The following GARRE1 variants were observed in gnomAD, a reference collection of about 807,000 sequenced individuals.
GARRE1 encodes granule associated Rac and RHOG effector 1.
GARRE1 carries 49 observed loss-of-function variants against 103.2 expected under a neutral mutation model. The ratio of observed to expected loss-of-function variants is 0.47; its 90% CI spans 0.38 to 0.60. GARRE1 has a LOEUF of 0.60. GARRE1 is among the 20% of genes least tolerant of loss of function. The probability of loss-of-function intolerance (pLI) is 0.00; values close to 1 mark genes in which losing one functional copy is unlikely to be tolerated. For synonymous variants in GARRE1, 505 were observed against 532.8 expected (o/e 0.95, Z 0.72); for missense variants, 1,199 against 1,370.5 (o/e 0.87, Z 1.98).
intron 2 of GARRE1, among the ~76,000 whole-genome samples, chr19:34,315,315 A>G (rs1452661294): frequency 2.0e-5 from 3 of 152,242 alleles, no homozygotes; most frequent in Non-Finnish European, 4.4e-5. Flanking sequence ...AGGCTGAGTC[A>G]GGCCTGAGCC....
chr19:34,271,698 A>C (rs973043146), intron 1 of GARRE1, among the ~76,000 whole-genome samples: 1 of 152,122 alleles, frequency 6.6e-6, no homozygotes, highest in Non-Finnish European at 1.5e-5. Flanking sequence ...CATCTCTACA[A>C]AAAATCAAAA....
intron 9 of GARRE1, among the ~76,000 whole-genome samples, chr19:34,340,839 T>G (rs1434317782): frequency 1.3e-5 from 2 of 152,188 alleles, no homozygotes; most frequent in African/African-American, 4.8e-5. Context: ...TCTTAACTCA[T>G]GAGTACACAA....
In GARRE1 at chr19:34,277,449, A is replaced by G. The variant is rs181685995; in HGVS notation, c.-795-22230A>G. Among the ~76,000 whole-genome samples, 9 of 152,326 alleles carry G rather than the reference A, an allele frequency of 5.9e-5. No homozygotes were observed. The East Asian group carries it at 1.2e-3, about 20-fold the overall frequency. The stretch of plus-strand genomic sequence containing the variant: ...ATGAACAATACGTTTGAAAAGACCT[A>G]TGAAAAAACACGTGAAATTTGGAGT... On this transcript the variant is annotated intron_variant, in intron 1 of 13. Transcript: ENST00000299505.
chr19:34,326,339 A>G (rs2074111752), intron 3 of GARRE1, among the ~76,000 whole-genome samples: 1 of 152,242 alleles, frequency 6.6e-6, no homozygotes, highest in Non-Finnish European at 1.5e-5. Context: ...CTGCTAAAAA[A>G]TGTTACTTGG....
At chr19:34,265,449 C>G (rs2073746087) in intron 1 of GARRE1, 2 of 152,176 alleles carry the variant, frequency 1.3e-5, no homozygotes, top group African/African-American at 4.8e-5. Context: ...CAGGTGATGC[C>G]CCTCCTCAAC....
intron 2 of GARRE1, among the ~76,000 whole-genome samples, chr19:34,313,050 G>C (rs2074044239): frequency 6.6e-6 from 1 of 152,234 alleles, no homozygotes; most frequent in South Asian, 2.1e-4. Context: ...TATTTACTGA[G>C]ATGGGGAGTA....
chr19:34,319,014 CA>C (rs35793838), intron 2 of GARRE1, among the ~76,000 whole-genome samples: 4 of 148,898 alleles, frequency 2.7e-5, no homozygotes, highest in African/African-American at 4.9e-5. Flanking sequence ...GACTCCATTT[CA>C]AAAAAAAAAG....
chr19:34,338,591 C>G (rs1202414102), intron 8 of GARRE1, among the ~76,000 whole-genome samples: 1 of 151,876 alleles, frequency 6.6e-6, no homozygotes, highest in Non-Finnish European at 1.5e-5. Context: ...CGGTGGAGAC[C>G]CAAATGATGA....
chr19:34,260,990 G>A (rs2073714053), intron 1 of GARRE1, among the ~76,000 whole-genome samples: 1 of 152,196 alleles, frequency 6.6e-6, no homozygotes, highest in East Asian at 1.9e-4. Flanking sequence ...CTCTCTGGGG[G>A]CCTGACCAGA....
rs370744952 is a variant in GARRE1, at chr19:34,319,917, G to A, written c.506G>A (p.Arg169Gln). 175 of 1,614,046 alleles carry A rather than the reference G, an allele frequency of 1.1e-4. No homozygotes were observed. The highest frequency in any genetic ancestry group is 2.6e-4 in the South Asian group (24 of 91,084). The change falls in exon 3 of 14, where the codon CGA (arginine) becomes CAA (glutamine). Residue 169 changes from arginine (R) to glutamine (Q), a missense_variant. Physicochemically the swap from Arg to Gln is conservative, Grantham distance 43. Transcript: ENST00000299505. ...GTCTTGTTTTCACAGGTGTTGGGGC[G>A]ATGTTTCCTGACTGTGGTGCAAGTC... ...FSLQDIEVLG[R>Q]CFLTVVQVHF...
chr19:34,337,055 T>G (rs891486961), intron 8 of GARRE1, among the ~76,000 whole-genome samples: 2 of 152,054 alleles, frequency 1.3e-5, no homozygotes, highest in South Asian at 2.1e-4. Flanking sequence ...GTTCTGTTTT[T>G]TTTTTTTTTT....
chr19:34,281,159 C>T (rs1379769700), intron 1 of GARRE1, among the ~76,000 whole-genome samples: 3 of 152,206 alleles, frequency 2.0e-5, no homozygotes, highest in Non-Finnish European at 4.4e-5. Flanking sequence ...CTCACTCTGT[C>T]GCCCAGGCTG....
chr19:34,289,492 C>A (rs1372053870), intron 1 of GARRE1, among the ~76,000 whole-genome samples: 4 of 151,232 alleles, frequency 2.6e-5, no homozygotes, highest in Non-Finnish European at 4.4e-5. Flanking sequence ...TTTGGGAGGC[C>A]GAGGTGGGCG....
intron 1 of GARRE1, among the ~76,000 whole-genome samples, chr19:34,291,153 C>T (rs1162791617): frequency 2.6e-5 from 4 of 152,016 alleles, no homozygotes; most frequent in Non-Finnish European, 4.4e-5. Flanking sequence ...GGTGATCCAC[C>T]CACCTCAGCC....
intron 7 of GARRE1, 108 bp downstream of exon 7, chr19:34,330,455 A>G (rs932854529): frequency 1.7e-6 from 2 of 1,165,972 alleles, no homozygotes; most frequent in African/African-American, 3.1e-5. Flanking sequence ...TTAAAAAGTT[A>G]TTTGGTGCTG....
intron 1 of GARRE1, among the ~76,000 whole-genome samples, chr19:34,261,109 C>T (rs1368238581): frequency 6.6e-6 from 1 of 152,160 alleles, no homozygotes; most frequent in Non-Finnish European, 1.5e-5. Flanking sequence ...TAGCGTCTGT[C>T]CTCCCAGTAC....
intron 3 of GARRE1, among the ~76,000 whole-genome samples, chr19:34,325,602 C>A (rs1044366434): frequency 2.0e-5 from 3 of 152,184 alleles, no homozygotes; most frequent in Admixed American, 2.0e-4. Context: ...TCATCGCTAC[C>A]CTTGTTCAGG....
chr19:34,286,650 C>T (rs1340814473), intron 1 of GARRE1, among the ~76,000 whole-genome samples: 5 of 151,076 alleles, frequency 3.3e-5, no homozygotes, highest in South Asian at 2.1e-4. Context: ...TACAGGCGCC[C>T]GCTACCACGC....
intron 1 of GARRE1, among the ~76,000 whole-genome samples, chr19:34,256,182 G>A (rs905160541): frequency 6.6e-6 from 1 of 151,520 alleles, no homozygotes; most frequent in African/African-American, 2.4e-5. Context: ...GTTTTCCTTT[G>A]ACATATTTGG....
Sources: allele counts gnomAD v4.1 joint callset (sites outside exome capture counted in the v4.1 genomes callset), GRCh38; gene constraint gnomAD v4.1.1; transcripts MANE v1.5; gene names NCBI Gene and HGNC (gene_info 2026-07-23, HGNC 2026-07-21).